PARP15: variants seen among roughly 807,000 people sequenced by gnomAD.
The protein encoded by PARP15 is poly(ADP-ribose) polymerase family member 15.
Under a neutral mutation model 62.1 loss-of-function variants are expected in PARP15, and 50 were observed. The ratio of observed to expected loss-of-function variants is 0.81; its 90% CI spans 0.64 to 1.02. The LOEUF is 1.02. PARP15 is among the 50% of genes least tolerant of loss of function. The pLI is 0.00. For synonymous variants in PARP15, 309 were observed against 293.1 expected, an observed-to-expected ratio of 1.05 and a Z score of -0.55; for missense variants, 820 against 826.5, an observed-to-expected ratio of 0.99 and a Z score of 0.10.
At chr3:122,628,112 C>T (rs556110578) in intron 9 of PARP15, among the ~76,000 whole-genome samples, 1 of 152,346 alleles carries the variant, frequency 6.6e-6, no homozygotes, top group African/African-American at 2.4e-5. Flanking sequence ...TGAAAGCTGG[C>T]TGCTAGCAGC....
chr3:122,637,600 A>T lies in PARP15; in HGVS notation c.*1500A>T, dbSNP rs943711761. The T allele has an allele frequency of 1.3e-5, 2 of 152,138 alleles. No homozygotes were observed. The highest frequency in any genetic ancestry group is 2.4e-5 in the African/African-American group (1 of 41,424). 9.4% of individuals were successfully genotyped at this position (152,138 alleles called of 1,614,324 possible). On this transcript the variant is annotated 3_prime_UTR_variant, in exon 12 of 12. Coordinates refer to ENST00000464300, the MANE Select transcript of PARP15 (RefSeq NM_001113523.3). ...ATTTACATTATCATAAATAAATTAC[A>T]TGCGCATTTAAAGAGAACAGAAAAG...
chr3:122,581,855 A>G (rs938579707), intron 1 of PARP15, among the ~76,000 whole-genome samples: 12 of 152,070 alleles, frequency 7.9e-5, no homozygotes, highest in South Asian at 2.1e-4. Context: ...CCATTGTTCT[A>G]TATGTCTTCT....
In PARP15 at chr3:122,636,111, A is replaced by G. The variant is rs1373463256; in HGVS notation, c.*11A>G. The G allele has an allele frequency of 2.5e-6, 4 of 1,600,880 alleles. No individual in the cohort carries two copies. The highest frequency in any genetic ancestry group is 1.7e-5 in the Admixed American group (1 of 59,480). On this transcript the variant is annotated 3_prime_UTR_variant, in exon 12 of 12. Coordinates refer to ENST00000464300, the MANE Select transcript of PARP15 (RefSeq NM_001113523.3). ...ACTTTCACGGCTTAAAAATATTTTT[A>G]TCATCAAAGAGATGATTTAAGTCAT...
intron 10 of PARP15, among the ~76,000 whole-genome samples, chr3:122,632,852 G>C (rs1264825751): frequency 6.6e-6 from 1 of 152,124 alleles, no homozygotes; most frequent in Non-Finnish European, 1.5e-5. Flanking sequence ...AACTTAATTA[G>C]ACTCCATCCT....
intron 1 of PARP15, among the ~76,000 whole-genome samples, chr3:122,593,090 G>GTCCATCTA (rs1553727449): frequency 6.8e-6 from 1 of 147,752 alleles, no homozygotes; most frequent in Non-Finnish European, 1.5e-5. Context: ...AAAATTATCT[G>GTCCATCTA]TCTATCTATC....
At chr3:122,580,724 A>G (rs373489707) in intron 1 of PARP15, among the ~76,000 whole-genome samples, 10 of 152,226 alleles carry the variant, frequency 6.6e-5, no homozygotes, top group African/African-American at 2.4e-4. Flanking sequence ...TTATACGTAT[A>G]TATAAACATA....
In PARP15 at chr3:122,638,064, C is replaced by G. The variant is rs1937459867; in HGVS notation, c.*1964C>G. Reference sequence around the variant, plus strand: ...AACATGTGGTGTTTGGTTTTTTGTCCTTGCGATAGTTTGCTGAGAATGATG... The same window carrying G: ...AACATGTGGTGTTTGGTTTTTTGTCGTTGCGATAGTTTGCTGAGAATGATG... On this transcript the variant is annotated 3_prime_UTR_variant, in exon 12 of 12. Transcript: ENST00000464300. 1 of 151,944 alleles carries G rather than the reference C, an allele frequency of 6.6e-6. No homozygotes were observed. Among genetic ancestry groups the G allele is most frequent in the Non-Finnish European group, 1.5e-5 (1 of 67,976 alleles). The allele number at this position is 151,944 out of a possible 1,614,324, so 9.4% of individuals were successfully genotyped here.
intron 1 of PARP15, among the ~76,000 whole-genome samples, chr3:122,586,760 G>A (rs1039523504): frequency 6.7e-6 from 1 of 148,172 alleles, no homozygotes; most frequent in African/African-American, 2.5e-5. Context: ...TCCAGCGCCA[G>A]AGTGGTACAT....
At chr3:122,591,223 A>G (rs1464797417) in intron 1 of PARP15, among the ~76,000 whole-genome samples, 1 of 152,254 alleles carries the variant, frequency 6.6e-6, no homozygotes, top group Non-Finnish European at 1.5e-5. Flanking sequence ...AAGTTGGAAC[A>G]TTCAGGCACA....
chr3:122,619,868 T>C, intron 7 of PARP15, 25 bp downstream of exon 7: 1 of 1,592,030 alleles, frequency 6.3e-7, no homozygotes, highest in Non-Finnish European at 8.6e-7. Context: ...TACTTTTGAC[T>C]ACAAACTTGA....
rs909574741 is a variant in PARP15, at chr3:122,628,423, G to A, written c.1438+1390G>A. On this transcript the variant is annotated intron_variant, in intron 9 of 11. Coordinates refer to ENST00000464300, the MANE Select transcript of PARP15 (RefSeq NM_001113523.3). ...CCAGAAGAGGAGAAAAGGATACTGG[G>A]CAGTTAAAAATAGTATGTACCTACT... 5.3e-5 allele frequency among the ~76,000 whole-genome samples: 8 copies of A among 152,056 alleles called. No homozygotes were observed. The South Asian group carries it at 1.7e-3, about 32-fold the overall frequency.
intron 8 of PARP15, among the ~76,000 whole-genome samples, chr3:122,623,349 A>G (rs753832543): frequency 2.4e-4 from 36 of 152,166 alleles, no homozygotes; most frequent in Non-Finnish European, 4.3e-4. Context: ...TGATTTTGGA[A>G]CAGATGCAAG....
At chr3:122,621,212 A>C in intron 7 of PARP15, 1 of 431,308 alleles carries the variant, frequency 2.3e-6, no homozygotes. Flanking sequence ...TGATGCAGAT[A>C]AAGTACTTTT....
At chr3:122,580,039 A>ATATATG (rs1559915678) in intron 1 of PARP15, among the ~76,000 whole-genome samples, 86 of 135,652 alleles carry the variant, frequency 6.3e-4, no homozygotes, top group African/African-American at 2.3e-3. Flanking sequence ...ATATATATGC[A>ATATATG]CGCGCGCACA....
Position 122,635,843 on chromosome 3 carries a change from G to A in PARP15, c.1780G>A (p.Val594Met), listed in dbSNP as rs1937332043. The A allele has an allele frequency of 1.2e-6, 2 of 1,613,928 alleles. No individual in the cohort carries two copies. Among genetic ancestry groups the A allele is most frequent in the East Asian group, 4.5e-5 (2 of 44,876 alleles). ...VSYGKGTYFA[V>M]DASYSAKDTY... ...CTATGGAAAAGGAACCTATTTTGCT[G>A]TGGATGCCAGTTATTCTGCCAAGGA... Residue 594 changes from valine (V) to methionine (M), a missense_variant, in exon 12 of 12, where the codon GTG (valine) becomes ATG (methionine). Val to Met is a conservative substitution (Grantham distance 21). Coordinates refer to ENST00000464300, the MANE Select transcript of PARP15 (RefSeq NM_001113523.3).
rs144431200 is a variant in PARP15, at chr3:122,615,302, C to A, written c.772-477C>A. ...TTCATTCAGGAGGCTTTGGCTGGACCTAAGAGATGAAGCATACTGTATGTA... is the reference window on the plus strand; with the variant it reads ...TTCATTCAGGAGGCTTTGGCTGGACATAAGAGATGAAGCATACTGTATGTA... On this transcript the variant is annotated intron_variant, in intron 4 of 11. Coordinates refer to ENST00000464300, the MANE Select transcript of PARP15 (RefSeq NM_001113523.3). The A allele has an allele frequency of 1.0e-3, 1,335 of 1,289,912 alleles. 12 individuals are homozygous for A. The African/African-American group carries it at 0.013, about 13-fold the overall frequency. 79.9% of individuals were successfully genotyped at this position (1,289,912 alleles called of 1,614,324 possible). A position where few individuals can be genotyped will look rare whatever the true frequency, so the allele number is the denominator to read the frequency against.
intron 9 of PARP15, 128 bp from the exon 10 acceptor site, chr3:122,631,958 G>A (rs1937081012): frequency 4.0e-6 from 4 of 995,734 alleles, no homozygotes; most frequent in Middle Eastern, 2.1e-4. Context: ...AGAAGCAATT[G>A]TGAAATGTGT....
At position 122,610,693 on chromosome 3, in the gene PARP15, C is replaced by A. The variant is rs778219932; in HGVS notation, c.506C>A (p.Ala169Asp). The A allele has an allele frequency of 6.5e-7, 1 of 1,542,930 alleles. No individual in the cohort carries two copies. Among genetic ancestry groups the A allele is most frequent in the Admixed American group, 2.0e-5 (1 of 49,888 alleles). The change falls in exon 3 of 12, where the codon GCT becomes GAT. Residue 169 changes from alanine (A) to aspartate (D), a missense_variant. Coordinates refer to ENST00000464300, the MANE Select transcript of PARP15 (RefSeq NM_001113523.3). ...LDCKAVLHAV[A>D]PYWNNGAETS... ...TGCAAAGCTGTGCTCCATGCTGTGGCTCCATACTGGAATAATGGAGCAGAG... is the reference window on the plus strand; with the variant it reads ...TGCAAAGCTGTGCTCCATGCTGTGGATCCATACTGGAATAATGGAGCAGAG...
intron 8 of PARP15, among the ~76,000 whole-genome samples, chr3:122,623,410 G>A (rs951665915): frequency 1.2e-4 from 18 of 152,198 alleles, no homozygotes; most frequent in Non-Finnish European, 1.5e-5. Context: ...GTGTAGGTGT[G>A]TTCAGCCACA....
Sources: gnomAD v4.1 joint callset for allele counts (sites outside exome capture counted in the v4.1 genomes callset) on GRCh38, gnomAD v4.1.1 for gene constraint, MANE v1.5 for transcripts, NCBI Gene and HGNC (gene_info 2026-07-23, HGNC 2026-07-21) for gene names.